The following SEMA6D variants were observed in gnomAD, a reference collection of about 807,000 sequenced individuals.
SEMA6D encodes the protein semaphorin 6D.
SEMA6D carries 35 observed loss-of-function variants against 106.6 expected under a neutral mutation model. The observed-to-expected ratio is 0.33, with a 90% confidence interval of 0.25 to 0.44. The LOEUF (loss-of-function observed/expected upper bound fraction) is 0.44, where lower values mean the gene tolerates loss of function less well. Ranked by LOEUF, SEMA6D falls within the 20% of genes least tolerant of loss-of-function variation. The pLI is 1.00. For synonymous variants in SEMA6D, 499 were observed against 487.7 expected, an observed-to-expected ratio of 1.02 and a Z score of -0.31; for missense variants, 1,185 against 1,345.9, an observed-to-expected ratio of 0.88 and a Z score of 1.87.
chr15:47,760,398 A>G lies in SEMA6D; in HGVS notation c.204A>G (p.Thr68=). The G allele has an allele frequency of 6.2e-7, 1 of 1,612,998 alleles. No homozygotes were observed. Among genetic ancestry groups the G allele is most frequent in the South Asian group, 1.1e-5 (1 of 90,990 alleles). The change falls in exon 3 of 19, where the codon ACA becomes ACG. Residue 68 remains threonine, a synonymous_variant. Coordinates refer to ENST00000536845, the MANE Select transcript of SEMA6D (RefSeq NM_001358351.3). ...AGCTGATGTTGAAAATTCGAGACACACTTTATATTGCTGGCAGGTAATTTT... is the reference window on the plus strand; with the variant it reads ...AGCTGATGTTGAAAATTCGAGACACGCTTTATATTGCTGGCAGGTAATTTT... ...DFQLMLKIRD[T]LYIAGRDQVY... is the part of the protein sequence containing the mutation.
intron 3 of SEMA6D, among the ~76,000 whole-genome samples, chr15:47,508,575 G>T (rs986855480): frequency 2.0e-5 from 3 of 152,188 alleles, no homozygotes; most frequent in Admixed American, 1.3e-4. Flanking sequence ...TGTGAACAGT[G>T]CTTGACACAT....
At chr15:47,496,625 C>A (rs1241550938) in intron 3 of SEMA6D, among the ~76,000 whole-genome samples, 2 of 152,094 alleles carry the variant, frequency 1.3e-5, no homozygotes, top group Non-Finnish European at 2.9e-5. Context: ...TCACCTAAAT[C>A]TGATGTTGAG....
intron 3 of SEMA6D, among the ~76,000 whole-genome samples, chr15:47,532,055 C>T (rs992770522): frequency 3.3e-5 from 5 of 152,184 alleles, no homozygotes; most frequent in African/African-American, 1.2e-4. Flanking sequence ...TCCTCTGCCT[C>T]TCTTTTTGGT....
chr15:47,373,302 C>G (rs183897954), intron 1 of SEMA6D, among the ~76,000 whole-genome samples: 22 of 152,304 alleles, frequency 1.4e-4, no homozygotes, highest in Admixed American at 1.3e-3. Context: ...CCTCTCCACC[C>G]TGCCTTTGCG....
At chr15:47,421,631 T>G (rs2041159833) in intron 2 of SEMA6D, among the ~76,000 whole-genome samples, 1 of 152,062 alleles carries the variant, frequency 6.6e-6, no homozygotes, top group South Asian at 2.1e-4. Context: ...ACTTGACTGA[T>G]GAGTGTGTAC....
intron 4 of SEMA6D, among the ~76,000 whole-genome samples, chr15:47,653,202 C>A (rs1048274795): frequency 6.6e-6 from 1 of 152,140 alleles, no homozygotes; most frequent in African/African-American, 2.4e-5. Flanking sequence ...TTTCTTAAAT[C>A]AAGGCTGAAT....
At chr15:47,714,444 A>G (rs1409063384), upstream of SEMA6D, among the ~76,000 whole-genome samples, 1 of 152,236 alleles carries the variant, frequency 6.6e-6, no homozygotes, top group African/African-American at 2.4e-5. Context: ...TGTTTTGTTT[A>G]ATAACAGTTA....
At chr15:47,459,008 C>T (rs919078451) in intron 2 of SEMA6D, among the ~76,000 whole-genome samples, 6 of 151,996 alleles carry the variant, frequency 3.9e-5, no homozygotes, top group African/African-American at 1.4e-4. Context: ...TGAATGGGAC[C>T]TGTGACTTGC....
intron 3 of SEMA6D, among the ~76,000 whole-genome samples, chr15:47,590,077 A>G (rs1307468917): frequency 2.0e-5 from 3 of 152,100 alleles, no homozygotes; most frequent in Non-Finnish European, 4.4e-5. Context: ...GTACATATGC[A>G]CACGTATGTT....
intron 1 of SEMA6D, among the ~76,000 whole-genome samples, chr15:47,212,465 G>A (rs1298539268): frequency 3.9e-5 from 6 of 152,196 alleles, no homozygotes; most frequent in Admixed American, 1.3e-4. Flanking sequence ...GTGATTACGA[G>A]CATGACGTAT....
chr15:47,682,080 C>T, intron 4 of SEMA6D, among the ~76,000 whole-genome samples: 1 of 152,070 alleles, frequency 6.6e-6, no homozygotes, highest in East Asian at 1.9e-4. Flanking sequence ...TGTATGTAAA[C>T]CCCTAAAGGG....
intron 3 of SEMA6D, among the ~76,000 whole-genome samples, chr15:47,500,441 A>G (rs1362666716): frequency 1.3e-5 from 2 of 152,162 alleles, no homozygotes; most frequent in Non-Finnish European, 2.9e-5. Context: ...TAATCAATGC[A>G]TATGAATTTA....
chr15:47,474,979 T>G (rs892602556), intron 3 of SEMA6D, among the ~76,000 whole-genome samples: 4 of 152,162 alleles, frequency 2.6e-5, no homozygotes, highest in African/African-American at 9.7e-5. Context: ...CTCCTTCAAC[T>G]TGGATCCTTG....
intron 1 of SEMA6D, among the ~76,000 whole-genome samples, chr15:47,390,521 G>C (rs992419654): frequency 2.6e-5 from 4 of 152,106 alleles, no homozygotes; most frequent in Non-Finnish European, 4.4e-5. Flanking sequence ...CACCACATAT[G>C]CCTTTCCACC....
chr15:47,314,958 C>T (rs1440942153), intron 1 of SEMA6D, among the ~76,000 whole-genome samples: 4 of 145,936 alleles, frequency 2.7e-5, no homozygotes, highest in Non-Finnish European at 4.5e-5. Flanking sequence ...CTCCGCCTCC[C>T]GGGTTCACAC....
chr15:47,287,692 A>C lies in SEMA6D; in HGVS notation c.-239+103274A>C, dbSNP rs148039183. Among the ~76,000 whole-genome samples the C allele has an allele frequency of 1.1e-3, 169 of 152,308 alleles. 1 individual carries two copies. Among genetic ancestry groups the C allele is most frequent in the Non-Finnish European group, 1.9e-3 (128 of 68,032 alleles). On this transcript the variant is annotated intron_variant, in intron 1 of 19. Transcript: ENST00000558014. ...TTCAATGACACCAGCATTCTCTGAGATCATCTAAGCTTAAAAAATCAGGGG... is the reference window on the plus strand; with the variant it reads ...TTCAATGACACCAGCATTCTCTGAGCTCATCTAAGCTTAAAAAATCAGGGG...
intron 1 of SEMA6D, among the ~76,000 whole-genome samples, chr15:47,347,925 A>T (rs550839109): frequency 3.9e-5 from 6 of 152,220 alleles, no homozygotes; most frequent in African/African-American, 1.4e-4. Flanking sequence ...ATTATTTGGG[A>T]CAGGAGAGTT....
intron 1 of SEMA6D, among the ~76,000 whole-genome samples, chr15:47,756,379 T>C (rs950611384): frequency 6.6e-6 from 1 of 152,064 alleles, no homozygotes; most frequent in Non-Finnish European, 1.5e-5. Context: ...GTAACCAGAA[T>C]AGACATGATG....
At chr15:47,481,238 T>G (rs1251809616) in intron 3 of SEMA6D, among the ~76,000 whole-genome samples, 8 of 152,040 alleles carry the variant, frequency 5.3e-5, no homozygotes, top group Non-Finnish European at 8.8e-5. Flanking sequence ...CTTTTTGAGG[T>G]GAGCAGCCAC....
Sources: gnomAD v4.1 joint callset for allele counts (sites outside exome capture counted in the v4.1 genomes callset) on GRCh38, gnomAD v4.1.1 for gene constraint, MANE v1.5 for transcripts, NCBI Gene and HGNC (gene_info 2026-07-23, HGNC 2026-07-21) for gene names.